Variants in SPTBN1 observed in about 807,000 individuals in gnomAD.
The protein encoded by SPTBN1 is spectrin beta chain, non-erythrocytic 1.
Under a neutral mutation model 266.4 loss-of-function variants are expected in SPTBN1, and 32 were observed. The observed-to-expected ratio is 0.12, with a 90% CI of 0.09 to 0.16. The LOEUF (loss-of-function observed/expected upper bound fraction) is 0.16, where lower values mean the gene tolerates loss of function less well. SPTBN1 is among the 10% of genes least tolerant of loss of function. The pLI is 1.00. For synonymous variants in SPTBN1, 1,336 were observed against 1,162.2 expected (o/e 1.15, Z -3.04); for missense variants, 2,296 against 3,067.1 (o/e 0.75, Z 5.94).
intron 33 of SPTBN1, among the ~76,000 whole-genome samples, chr2:54,665,285 G>C (rs547499171): frequency 6.6e-6 from 1 of 152,304 alleles, no homozygotes; most frequent in South Asian, 2.1e-4. Context: ...GAGGGGATCA[G>C]AACATCTAAG....
intron 2 of SPTBN1, among the ~76,000 whole-genome samples, chr2:54,528,987 T>G (rs1671021626): frequency 1.3e-5 from 2 of 152,256 alleles, no homozygotes; most frequent in South Asian, 4.1e-4. Context: ...TTCCTTATTC[T>G]GTGGGACAGA....
At chr2:54,642,228 C>T (rs978390778) in intron 18 of SPTBN1, among the ~76,000 whole-genome samples, 5 of 152,206 alleles carry the variant, frequency 3.3e-5, no homozygotes, top group East Asian at 1.9e-4. Context: ...TGGCTGACCC[C>T]GGTAAGAGAG....
Position 54,649,664 on chromosome 2 carries a change from G to A in SPTBN1, c.5252G>A (p.Gly1751Glu), listed in dbSNP as rs1680143919. 6.2e-7 allele frequency: 1 copy of A among 1,613,298 alleles called. No homozygotes were observed. The highest frequency in any genetic ancestry group is 8.5e-7 in the Non-Finnish European group (1 of 1,179,404). ...TTTGCCCGAGACACCGGGAACATTG[G>A]GCAGGAGCGCGTGGACACGGTCAAT... Reference protein sequence around the residue: ...REFARDTGNIGQERVDTVNHL... With the variant: ...REFARDTGNIEQERVDTVNHL... Residue 1751 changes from glycine to glutamate, a missense_variant, in exon 26 of 36, where the codon GGG becomes GAG. Gly to Glu is a moderately conservative substitution (Grantham distance 98). Transcript: ENST00000356805. This position sits in a 1 kb window ranked among gnomAD's most constrained non-coding sequence, Gnocchi z 6.7.
At chr2:54,600,169 C>T (rs986386971) in intron 3 of SPTBN1, among the ~76,000 whole-genome samples, 3 of 152,172 alleles carry the variant, frequency 2.0e-5, no homozygotes, top group Non-Finnish European at 4.4e-5. Flanking sequence ...CAGACCTGCC[C>T]CACACCTCTG....
intron 18 of SPTBN1, among the ~76,000 whole-genome samples, chr2:54,638,972 G>A (rs1003906156): frequency 2.6e-5 from 4 of 152,216 alleles, no homozygotes; most frequent in African/African-American, 4.8e-5. Flanking sequence ...CTTGTAATAT[G>A]CTCTTGCAGC....
intron 2 of SPTBN1, among the ~76,000 whole-genome samples, chr2:54,593,889 G>A (rs1342160830): frequency 5.0e-5 from 7 of 139,294 alleles, no homozygotes; most frequent in African/African-American, 8.0e-5. Flanking sequence ...GCTGGAGTGC[G>A]GTGGCATGAT....
chr2:54,609,808 A>T (rs1677093003), intron 3 of SPTBN1, among the ~76,000 whole-genome samples: 1 of 152,074 alleles, frequency 6.6e-6, no homozygotes, highest in African/African-American at 2.4e-5. Context: ...CCAATTCAGA[A>T]AACCGGTTGT....
intron 2 of SPTBN1, among the ~76,000 whole-genome samples, chr2:54,531,394 A>G (rs1671228848): frequency 6.6e-6 from 1 of 152,196 alleles, no homozygotes; most frequent in Non-Finnish European, 1.5e-5. Flanking sequence ...GGGAGATAGC[A>G]TCTCTAGTAT....
Position 54,624,903 on chromosome 2 carries a change from G to C in SPTBN1, c.1282G>C (p.Asp428His). The change falls in exon 11 of 36, where the codon GAT becomes CAT. Residue 428 changes from aspartate (D) to histidine (H), a missense_variant. Asp to His is a moderately conservative substitution (Grantham distance 81). Coordinates refer to ENST00000356805, the MANE Select transcript of SPTBN1 (RefSeq NM_003128.3). ...ACTGGAACAGCTCGCCCGCAGATTT[G>C]ATCGCAAGGCAGCTATGAGGGAGAC... ...EKLEQLARRF[D>H]RKAAMRETWL... 1 of 1,614,040 alleles carries C rather than the reference G, an allele frequency of 6.2e-7. No homozygotes were observed. The highest frequency in any genetic ancestry group is 8.5e-7 in the Non-Finnish European group (1 of 1,179,978).
At chr2:54,506,219 G>A (rs766037640) in intron 1 of SPTBN1, among the ~76,000 whole-genome samples, 1 of 152,132 alleles carries the variant, frequency 6.6e-6, no homozygotes, top group African/African-American at 2.4e-5. Context: ...TCTTGGCCCT[G>A]GGACCTTCCC....
In SPTBN1 at chr2:54,631,416, C is replaced by T. The variant is rs1022310075; in HGVS notation, c.3369C>T (p.Asp1123=). The change falls in exon 16 of 36, where the codon GAC becomes GAT. Residue 1123 remains aspartate (D), a synonymous_variant. Coordinates refer to ENST00000356805, the MANE Select transcript of SPTBN1 (RefSeq NM_003128.3). ...AGGAGGACTACCAGAAGATGAGGGA[C>T]ATGGGCGAGATGGTCACCCAGGGGC... ...NYEEDYQKMR[D]MGEMVTQGQT... 13 of 1,614,160 alleles carry T rather than the reference C, an allele frequency of 8.1e-6. No homozygotes were observed. Among genetic ancestry groups the T allele is most frequent in the Non-Finnish European group, 1.1e-5 (13 of 1,180,058 alleles).
At chr2:54,660,112 AC>A (rs757350576) in intron 32 of SPTBN1, 113 bp downstream of exon 32, 2 of 1,602,860 alleles carry the variant, frequency 1.2e-6, no homozygotes, top group Non-Finnish European at 1.7e-6. Flanking sequence ...GTCAAGAATC[AC>A]CCTTTCCAAA....
chr2:54,456,936 ACAG>A (rs1693069251), intron 1 of SPTBN1, among the ~76,000 whole-genome samples: 1 of 139,518 alleles, frequency 7.2e-6, no homozygotes, highest in African/African-American at 3.0e-5. Flanking sequence ...TGCGGAGCGG[ACAG>A]CGGACAGCCG....
At chr2:54,625,069 A>T in intron 11 of SPTBN1, 107 bp downstream of exon 11, 1 of 1,373,776 alleles carries the variant, frequency 7.3e-7, no homozygotes, top group South Asian at 1.5e-5. Context: ...GACATTCATT[A>T]TTCTGGAGGA....
intron 2 of SPTBN1, among the ~76,000 whole-genome samples, chr2:54,546,983 C>T (rs1672281788): frequency 6.7e-6 from 1 of 148,732 alleles, no homozygotes; most frequent in African/African-American, 2.5e-5. Flanking sequence ...AACCACATAA[C>T]ATAAGGTTTA....
rs931870990 is a variant in SPTBN1 at position 54,618,122 on chromosome 2, A to G, written c.692A>G (p.His231Arg). 6.2e-7 allele frequency: 1 copy of G among 1,614,202 alleles called. No individual in the cohort carries two copies. Among genetic ancestry groups the G allele is most frequent in the Non-Finnish European group, 8.5e-7 (1 of 1,180,016 alleles). Residue 231 changes from histidine (H) to arginine (R), a missense_variant, in exon 7 of 36, where the codon CAC becomes CGC. Physicochemically the swap from His to Arg is conservative, Grantham distance 29 (BLOSUM62 0). Coordinates refer to ENST00000356805, the MANE Select transcript of SPTBN1 (RefSeq NM_003128.3). ...DFDKLKKSNA[H>R]YNLQNAFNLA... ...GACAAACTAAAGAAATCTAACGCAC[A>G]CTACAACCTGCAGAATGCATTTAAT...
Position 54,664,337 on chromosome 2 carries a change from C to A in SPTBN1, c.6421-116C>A. 9.4e-7 allele frequency: 1 copy of A among 1,060,430 alleles called. No homozygotes were observed. Among genetic ancestry groups the A allele is most frequent in the Non-Finnish European group, 1.4e-6 (1 of 718,396 alleles). 65.7% of individuals were successfully genotyped at this position (1,060,430 alleles called of 1,614,324 possible). A position where few individuals can be genotyped will look rare whatever the true frequency, so the allele number is the denominator to read the frequency against. On this transcript the variant is annotated intron_variant, in intron 32 of 35. Transcript: ENST00000356805. The surrounding 1 kb of genome is among the most constrained non-coding windows in gnomAD (Gnocchi z 5.6). ...GTGGGTGTGCAATGGTTTTACTGTA[C>A]TGCCTCGATCTGTGCCAGGCATTTA... is the stretch of plus-strand genomic sequence containing the variant.
intron 1 of SPTBN1, among the ~76,000 whole-genome samples, chr2:54,477,505 T>C (rs1573228388): frequency 6.6e-6 from 1 of 152,286 alleles, no homozygotes; most frequent in East Asian, 1.9e-4. Flanking sequence ...TTTTTTCCTT[T>C]GTGAGTAAAC....
intron 4 of SPTBN1, among the ~76,000 whole-genome samples, chr2:54,615,987 C>T (rs1045212270): frequency 2.0e-4 from 31 of 152,290 alleles, no homozygotes; most frequent in African/African-American, 2.6e-4. Context: ...TGGGAAGTCC[C>T]GTCAGCCTTC....
Sources: allele counts gnomAD v4.1 joint callset (sites outside exome capture counted in the v4.1 genomes callset), GRCh38; gene constraint gnomAD v4.1.1; non-coding constraint Gnocchi (gnomAD v3.1); transcripts MANE v1.5; gene names NCBI Gene and HGNC (gene_info 2026-07-23, HGNC 2026-07-21).